The following UBAP2 variants were observed in gnomAD, a reference collection of about 807,000 sequenced individuals.
UBAP2 encodes the protein ubiquitin-associated protein 2.
In UBAP2, 75 loss-of-function variants were observed where a neutral mutation model predicts 139.6. The observed-to-expected ratio is 0.54, with a 90% CI of 0.45 to 0.65. The LOEUF is 0.65. Ranked by LOEUF, UBAP2 falls within the 30% of genes least tolerant of loss-of-function variation. The pLI, the probability that UBAP2 is intolerant of heterozygous loss-of-function variation, is 0.00. For synonymous variants in UBAP2, 526 were observed against 526.2 expected, an observed-to-expected ratio of 1.00 and a Z score of 0.01; for missense variants, 1,368 against 1,369.6, an observed-to-expected ratio of 1.00 and a Z score of 0.02.
chr9:33,922,618 GAAGGCTGTC>G lies in UBAP2; in HGVS notation c.3265-28_3265-20del. ...AGCCACTCTGAGGAAGAGGAGAAGG[GAAGGCTGTC>G]AAGGCTGGAGCAGAACCCCTGGCCC... On this transcript the variant is annotated intron_variant, in intron 28 of 28. Transcript: ENST00000379238. The G allele has an allele frequency of 6.2e-7, 1 of 1,610,656 alleles. No individual in the cohort carries two copies. The highest frequency in any genetic ancestry group is 8.5e-7 in the Non-Finnish European group (1 of 1,178,194).
chr9:33,980,743 C>A (rs1472628680), intron 6 of UBAP2, among the ~76,000 whole-genome samples: 1 of 151,714 alleles, frequency 6.6e-6, no homozygotes, highest in Non-Finnish European at 1.5e-5. Flanking sequence ...GTTGTTTGAG[C>A]TCAAGAGTTT....
chr9:33,976,221 C>T (rs533842693), intron 6 of UBAP2, among the ~76,000 whole-genome samples: 2 of 151,400 alleles, frequency 1.3e-5, no homozygotes, highest in Admixed American at 1.3e-4. Context: ...AAACAAGCTA[C>T]AAAACAAGGA....
rs552165278 is a variant in UBAP2, at chr9:33,981,064, CATATATAT to C, written c.520+5688_520+5695del. ...AAAAATAATATGGGCTTATTTACTT[CATATATAT>C]ATATATATATATATATATATATATA... is the stretch of plus-strand genomic sequence containing the variant. On this transcript the variant is annotated intron_variant, in intron 6 of 28. Transcript: ENST00000379238. 5.3e-3 allele frequency among the ~76,000 whole-genome samples: 28 copies of C among 5,278 alleles called. 3 individuals carry two copies. The highest frequency in any genetic ancestry group is 0.017 in the South Asian group (2 of 116). 3.5% of individuals were successfully genotyped at this position (5,278 alleles called of 152,430 possible).
At chr9:33,992,389 C>CAAA (rs33969994) in intron 4 of UBAP2, among the ~76,000 whole-genome samples, 829 of 79,806 alleles carry the variant, frequency 0.01, 19 homozygotes, top group Non-Finnish European at 0.013. Flanking sequence ...AACTCCATCT[C>CAAA]AAAAAAAAAA....
chr9:33,961,354 A>T (rs307664), intron 9 of UBAP2, among the ~76,000 whole-genome samples: 91,868 of 152,004 alleles, frequency 0.6, 27,882 homozygotes, highest in East Asian at 0.77. Context: ...GCATCCTTTT[A>T]ATAAAATATT....
intron 6 of UBAP2, among the ~76,000 whole-genome samples, chr9:33,981,562 C>CA (rs148493909): frequency 0.04 from 6,000 of 151,158 alleles, 266 homozygotes; most frequent in African/African-American, 0.1. Context: ...CTACATTGTC[C>CA]ACTCTGATCT....
In UBAP2 at chr9:33,956,110, G is replaced by A. The variant is rs1247579846; in HGVS notation, c.835C>T (p.Pro279Ser). Residue 279 changes from proline (P) to serine (S), a missense_variant, in exon 11 of 29, where the codon CCA becomes TCA. By Grantham distance (74) the Pro-to-Ser change is moderately conservative. Coordinates refer to ENST00000379238, the MANE Select transcript of UBAP2 (RefSeq NM_001370062.2). The stretch of plus-strand genomic sequence containing the variant: ...CCAGGTAAGATGTGATTCTCTGCTG[G>A]AGCAGATGAGGCAGTGAAGACCTTT... Reference protein sequence around the residue: ...ETKVFTASSAPAENHILPGQS... With the variant: ...ETKVFTASSASAENHILPGQS... 2 of 1,613,672 alleles carry A rather than the reference G, an allele frequency of 1.2e-6. No individual in the cohort carries two copies. Among genetic ancestry groups the A allele is most frequent in the Non-Finnish European group, 1.7e-6 (2 of 1,179,870 alleles).
chr9:33,935,623 C>T (rs1414136618), intron 17 of UBAP2: 2 of 610,506 alleles, frequency 3.3e-6, no homozygotes, highest in Non-Finnish European at 5.9e-6. Flanking sequence ...CTGATTAGGG[C>T]AGAAGAATAT....
chr9:34,015,339 GAC>G (rs1398795149), intron 2 of UBAP2, among the ~76,000 whole-genome samples: 2 of 152,076 alleles, frequency 1.3e-5, no homozygotes. Flanking sequence ...GTTTTATTGA[GAC>G]AGAGTCTCGC....
At chr9:33,986,544 G>T (rs1179858918) in intron 6 of UBAP2, among the ~76,000 whole-genome samples, 1 of 152,010 alleles carries the variant, frequency 6.6e-6, no homozygotes, top group Admixed American at 6.6e-5. Context: ...TATTCATAGG[G>T]CTTTCTCAGC....
chr9:33,944,947 A>T (rs1825541745), intron 13 of UBAP2, among the ~76,000 whole-genome samples: 1 of 152,060 alleles, frequency 6.6e-6, no homozygotes, highest in Non-Finnish European at 1.5e-5. Context: ...TACTTTTATT[A>T]TTTTATGGAT....
chr9:34,026,349 G>A (rs1413080948), intron 1 of UBAP2, among the ~76,000 whole-genome samples: 1 of 151,910 alleles, frequency 6.6e-6, no homozygotes, highest in East Asian at 1.9e-4. Flanking sequence ...ATAAATTTAC[G>A]TTTCAGGAAC....
chr9:34,003,311 A>G (rs991648726), intron 2 of UBAP2, among the ~76,000 whole-genome samples: 2 of 149,662 alleles, frequency 1.3e-5, no homozygotes, highest in Admixed American at 1.3e-4. Flanking sequence ...GATTACAGGT[A>G]TGCACCACTG....
Position 33,981,109 on chromosome 9 carries a change from T to TATTCTGG in UBAP2, c.520+5650_520+5651insCCAGAAT, listed in dbSNP as rs1554686705. ...TATATATATATATATTCTGGATATATATATATATATATATATATATATATA... is the reference window on the plus strand; with the variant it reads ...TATATATATATATATTCTGGATATATATTCTGGATATATATATATATATATATATATA... On this transcript the variant is annotated intron_variant, in intron 6 of 28. Coordinates refer to ENST00000379238, the MANE Select transcript of UBAP2 (RefSeq NM_001370062.2). Among the ~76,000 whole-genome samples the TATTCTGG allele has an allele frequency of 1.4e-3, 2 of 1,474 alleles. 1 individual carries two copies. Among genetic ancestry groups the TATTCTGG allele is most frequent in the Non-Finnish European group, 2.7e-3 (2 of 750 alleles). 1.0% of individuals were successfully genotyped at this position (1,474 alleles called of 152,430 possible). A position where few individuals can be genotyped will look rare whatever the true frequency, so the allele number is the denominator to read the frequency against.
intron 19 of UBAP2, among the ~76,000 whole-genome samples, chr9:33,930,490 T>G (rs767270790): frequency 3.9e-5 from 6 of 152,098 alleles, no homozygotes; most frequent in Non-Finnish European, 8.8e-5. Context: ...CCCTTAAGTT[T>G]CAACATGGAA....
intron 11 of UBAP2, among the ~76,000 whole-genome samples, chr9:33,954,435 C>A (rs1826380371): frequency 6.6e-6 from 1 of 152,104 alleles, no homozygotes; most frequent in African/African-American, 2.4e-5. Context: ...CAATGAGCTA[C>A]AAACTTCCTG....
intron 8 of UBAP2, among the ~76,000 whole-genome samples, chr9:33,966,798 T>C (rs1423794091): frequency 6.6e-6 from 1 of 152,208 alleles, no homozygotes; most frequent in Non-Finnish European, 1.5e-5. Flanking sequence ...TTAATGATGG[T>C]TATAATTCTA....
At chr9:34,026,563 G>A (rs2131313316) in intron 1 of UBAP2, among the ~76,000 whole-genome samples, 1 of 152,204 alleles carries the variant, frequency 6.6e-6, no homozygotes, top group African/African-American at 2.4e-5. Flanking sequence ...ATGGGTCTCA[G>A]GTCCTTCATC....
chr9:34,034,466 C>T (rs1366763412), intron 1 of UBAP2, among the ~76,000 whole-genome samples: 1 of 152,206 alleles, frequency 6.6e-6, no homozygotes, highest in Non-Finnish European at 1.5e-5. Flanking sequence ...TCCATTTAAA[C>T]ATTAACACAC....
Sources: allele counts gnomAD v4.1 joint callset (sites outside exome capture counted in the v4.1 genomes callset), GRCh38; gene constraint gnomAD v4.1.1; transcripts MANE v1.5; gene names NCBI Gene and HGNC (gene_info 2026-07-23, HGNC 2026-07-21).